Variants in CAMKK2 observed in about 807,000 individuals in gnomAD.
CAMKK2 encodes calcium/calmodulin-dependent protein kinase kinase 2.
In CAMKK2, 30 loss-of-function variants were observed where a neutral mutation model predicts 67.2. That is an observed-to-expected ratio of 0.45 (90% confidence interval 0.33 to 0.61). CAMKK2 has a LOEUF of 0.61. Ranked by LOEUF, CAMKK2 falls within the 20% of genes least tolerant of loss-of-function variation. The probability of loss-of-function intolerance (pLI) is 0.02; values close to 1 mark genes in which losing one functional copy is unlikely to be tolerated. For synonymous variants in CAMKK2, 322 were observed against 326.2 expected, an observed-to-expected ratio of 0.99 and a Z score of 0.14; for missense variants, 643 against 802.0, an observed-to-expected ratio of 0.80 and a Z score of 2.39.
In CAMKK2 at chr12:121,253,280, G is replaced by A. The variant is rs780765704; in HGVS notation, c.1100C>T (p.Ser367Phe). 3.7e-6 allele frequency: 6 copies of A among 1,614,030 alleles called. No individual in the cohort carries two copies. In the African/African-American group the frequency reaches 5.3e-5, roughly 14 times the overall value. Residue 367 changes from serine (S) to phenylalanine (F), a missense_variant, in exon 10 of 17, where the codon TCT becomes TTT. By Grantham distance (155) the Ser-to-Phe change is radical. Transcript: ENST00000404169. This position sits in a 1 kb window ranked among gnomAD's most constrained non-coding sequence, Gnocchi z 5.0. ...AGGCAGGCCCAAGCTTACCTTCCCA[G>A]AGAAGATCTTGCGGGTCTCAGAGAG... ...ESLSETRKIF[S>F]GKALDVWAMG... is the part of the protein sequence containing the mutation.
chr12:121,249,687 A>T, intron 13 of CAMKK2, 100 bp downstream of exon 13: 1 of 971,336 alleles, frequency 1.0e-6, no homozygotes, highest in Admixed American at 1.7e-5. Context: ...AGCGGTGCCA[A>T]GGAGGGTGTG....
chr12:121,252,972 C>T (rs943082263), intron 10 of CAMKK2, among the ~76,000 whole-genome samples: 1 of 152,196 alleles, frequency 6.6e-6, no homozygotes, highest in Non-Finnish European at 1.5e-5. Flanking sequence ...AGGGTTTTCA[C>T]AGGCACTATT....
intron 16 of CAMKK2, chr12:121,243,755 C>T (rs1140885): frequency 7.6e-5 from 47 of 617,090 alleles, no homozygotes; most frequent in Non-Finnish European, 9.1e-5. Flanking sequence ...CTGCAGAAGT[C>T]TGTATTAGAA....
chr12:121,250,251 G>C (rs1215425677), intron 11 of CAMKK2, among the ~76,000 whole-genome samples: 2 of 152,096 alleles, frequency 1.3e-5, no homozygotes, highest in Non-Finnish European at 2.9e-5. Context: ...TGGCCCTCTC[G>C]AAGGGCTAGA....
intron 1 of CAMKK2, among the ~76,000 whole-genome samples, chr12:121,293,470 G>C (rs570963642): frequency 6.9e-6 from 1 of 144,064 alleles, no homozygotes; most frequent in Non-Finnish European, 1.5e-5. Context: ...CAGCCTCTCT[G>C]AGCCCTTCAT....
intron 1 of CAMKK2, among the ~76,000 whole-genome samples, chr12:121,284,950 C>T (rs989447213): frequency 3.3e-5 from 5 of 152,210 alleles, no homozygotes; most frequent in African/African-American, 1.2e-4. Context: ...ACTGCTCGCA[C>T]TCAGTAAATA....
intron 1 of CAMKK2, among the ~76,000 whole-genome samples, chr12:121,284,472 C>T (rs969717767): frequency 4.6e-5 from 7 of 152,018 alleles, no homozygotes; most frequent in Admixed American, 4.6e-4. Flanking sequence ...ATTACAGGCA[C>T]GCCACCATGC....
Position 121,292,532 on chromosome 12 carries a change from A to G in CAMKK2, c.-60+4106T>C, listed in dbSNP as rs183012383. The stretch of plus-strand genomic sequence containing the variant: ...AGATCGGTTTCAAAAGGGAAATGCA[A>G]TTTCCTCAACTGTTAGGAAAGAGAC... On this transcript the variant is annotated intron_variant, in intron 1 of 16. Coordinates refer to ENST00000404169, the MANE Select transcript of CAMKK2 (RefSeq NM_001270485.2). Among the ~76,000 whole-genome samples the G allele has an allele frequency of 5.9e-5, 9 of 152,294 alleles. No homozygotes were observed. The East Asian group carries it at 1.5e-3, about 26-fold the overall frequency.
Position 121,270,948 on chromosome 12 carries a change from A to G in CAMKK2, c.472-3T>C, listed in dbSNP as rs746865510. 16 of 1,612,788 alleles carry G rather than the reference A, an allele frequency of 9.9e-6. No individual in the cohort carries two copies. In the African/African-American group the frequency reaches 1.7e-4, roughly 18 times the overall value. On this transcript the variant is annotated splice_polypyrimidine_tract_variant and splice_region_variant and intron_variant, in intron 2 of 16. Coordinates refer to ENST00000404169, the MANE Select transcript of CAMKK2 (RefSeq NM_001270485.2). ...TACTGATTCAGCTGCACACAGTCCT[A>G]GAGAGTAAGGAGAGACACGTGCAAA...
At chr12:121,262,142 T>C (rs1893577554) in intron 6 of CAMKK2, among the ~76,000 whole-genome samples, 1 of 152,186 alleles carries the variant, frequency 6.6e-6, no homozygotes. Context: ...AAATGTCTCC[T>C]ATCAAACCAA....
rs528564726 is a variant in CAMKK2 at position 121,285,799 on chromosome 12, G to T, written c.-60+10839C>A. On this transcript the variant is annotated intron_variant, in intron 1 of 16. Coordinates refer to ENST00000404169, the MANE Select transcript of CAMKK2 (RefSeq NM_001270485.2). This position sits in a 1 kb window ranked among gnomAD's most constrained non-coding sequence, Gnocchi z 4.1. ...CGCACTCTAGCCTGGGTGACAGAGC[G>T]AGACCCTGTCTCAAAAAAGAGAGTA... Among the ~76,000 whole-genome samples the T allele has an allele frequency of 6.6e-6, 1 of 152,166 alleles. No homozygotes were observed. Among genetic ancestry groups the T allele is most frequent in the Non-Finnish European group, 1.5e-5 (1 of 68,040 alleles).
In CAMKK2 at chr12:121,263,857, T is replaced by C; in HGVS notation, c.708A>G (p.Glu236=). ...GGTCCAGCTTCTTGAGGATGGCAAT[T>C]TCCTGGTACACCTGCTCAATGGGGC... ...PRGPIEQVYQ[E]IAILKKLDHP... Residue 236 remains glutamate (E), a synonymous_variant, in exon 6 of 17, where the codon GAA becomes GAG. Transcript: ENST00000404169. 6.2e-7 allele frequency: 1 copy of C among 1,611,106 alleles called. No homozygotes were observed. Among genetic ancestry groups the C allele is most frequent in the African/African-American group, 1.3e-5 (1 of 75,024 alleles).
chr12:121,263,126 C>G (rs143253894), intron 6 of CAMKK2, among the ~76,000 whole-genome samples: 3,552 of 152,216 alleles, frequency 0.023, 140 homozygotes, highest in African/African-American at 0.08. Flanking sequence ...CCCGCCACCA[C>G]GCCCAGCTAA....
chr12:121,250,635 C>T (rs1284718271), intron 11 of CAMKK2, among the ~76,000 whole-genome samples: 1 of 151,916 alleles, frequency 6.6e-6, no homozygotes, highest in African/African-American at 2.4e-5. Context: ...CATCACTCCT[C>T]ATCGTAGCAC....
intron 3 of CAMKK2, 123 bp downstream of exon 3, chr12:121,270,775 C>A: frequency 1.4e-6 from 1 of 692,556 alleles, no homozygotes; most frequent in Non-Finnish European, 2.5e-6. Context: ...AATGACAAAA[C>A]CCTCTCCACC....
intron 13 of CAMKK2, 22 bp from the exon 14 acceptor site, chr12:121,248,756 G>A (rs1374671222): frequency 1.9e-6 from 3 of 1,613,488 alleles, no homozygotes; most frequent in Non-Finnish European, 2.5e-6. Flanking sequence ...GACAGGAGGG[G>A]TGAGGGGCAG....
At chr12:121,297,534 C>T, upstream of CAMKK2, 1 of 494,324 alleles carries the variant, frequency 2.0e-6, no homozygotes, top group Admixed American at 2.2e-5. Context: ...CTTTTTGGCA[C>T]TTACTTTGCT....
At position 121,240,917 on chromosome 12, in the gene CAMKK2, C is replaced by T. The variant is rs570612234; in HGVS notation, c.1597-48G>A. On this transcript the variant is annotated intron_variant, in intron 16 of 16. Transcript: ENST00000404169. This position sits in a 1 kb window ranked among gnomAD's most constrained non-coding sequence, Gnocchi z 4.4. ...ACATTAAGACTCTGAGAAATGCCAG[C>T]GAGGCCCTGAGCCAGCTGCTCCCAC... The T allele has an allele frequency of 1.8e-5, 28 of 1,596,454 alleles. No homozygotes were observed. In the African/African-American group the frequency reaches 2.0e-4, roughly 11 times the overall value.
chr12:121,265,790 G>A (rs941773481), intron 5 of CAMKK2, among the ~76,000 whole-genome samples: 1 of 150,482 alleles, frequency 6.6e-6, no homozygotes, highest in Non-Finnish European at 1.5e-5. Context: ...CCCAGGAGGT[G>A]AAGTTTGCAG....
Sources: gnomAD v4.1 joint callset for allele counts (sites outside exome capture counted in the v4.1 genomes callset) on GRCh38, gnomAD v4.1.1 for gene constraint, Gnocchi (gnomAD v3.1) non-coding constraint, MANE v1.5 for transcripts, NCBI Gene and HGNC (gene_info 2026-07-23, HGNC 2026-07-21) for gene names.